Variants in NRXN3 observed in about 807,000 individuals in gnomAD.
NRXN3 encodes the protein neurexin III.
A neutral mutation model predicts 137.6 loss-of-function variants in NRXN3; 32 were observed. The ratio of observed to expected loss-of-function variants is 0.23; its 90% CI spans 0.18 to 0.31. The LOEUF is 0.31. Among genes scored for constraint, NRXN3 ranks in the 10% least tolerant of loss-of-function variants. The pLI is 1.00. For synonymous variants in NRXN3, 798 were observed against 784.5 expected, an observed-to-expected ratio of 1.02 and a Z score of -0.29; for missense variants, 1,574 against 2,062.5, an observed-to-expected ratio of 0.76 and a Z score of 4.59.
intron 19 of NRXN3, among the ~76,000 whole-genome samples, chr14:79,717,880 C>G (rs1406891470): frequency 6.6e-6 from 1 of 152,182 alleles, no homozygotes; most frequent in Non-Finnish European, 1.5e-5. Context: ...GCACCCTAGT[C>G]TCTCAGCGCA....
At chr14:78,521,987 G>A (rs1403187083) in intron 4 of NRXN3, among the ~76,000 whole-genome samples, 2 of 152,082 alleles carry the variant, frequency 1.3e-5, no homozygotes, top group African/African-American at 2.4e-5. Flanking sequence ...AGATGAAGAT[G>A]AATGATTTAG....
At chr14:78,383,345 G>A (rs2089452354) in intron 4 of NRXN3, among the ~76,000 whole-genome samples, 1 of 152,160 alleles carries the variant, frequency 6.6e-6, no homozygotes, top group African/African-American at 2.4e-5. Context: ...TAGCTGTTGG[G>A]GCGAGATGGG....
rs1476276061 is a variant in NRXN3 at position 79,541,485 on chromosome 14, C to A, written c.3444+74083C>A. On this transcript the variant is annotated intron_variant, in intron 16 of 20. Coordinates refer to ENST00000335750, the MANE Select transcript of NRXN3 (RefSeq NM_001330195.2). ...CTCATCTAGACAGCCTTTACTAATT[C>A]CATCTTGCAAAGACTCTTTTTTCAA... Among the ~76,000 whole-genome samples, 3 of 152,096 alleles carry A rather than the reference C, an allele frequency of 2.0e-5. No homozygotes were observed. In the East Asian group the frequency reaches 5.8e-4, roughly 29 times the overall value.
intron 4 of NRXN3, among the ~76,000 whole-genome samples, chr14:78,377,685 G>T (rs1405708248): frequency 6.6e-6 from 1 of 152,208 alleles, no homozygotes; most frequent in African/African-American, 2.4e-5. Context: ...TCTTTGGCTT[G>T]CTTTCTCAAT....
At chr14:78,375,167 A>G (rs987062410) in intron 4 of NRXN3, among the ~76,000 whole-genome samples, 2 of 152,196 alleles carry the variant, frequency 1.3e-5, no homozygotes, top group Non-Finnish European at 2.9e-5. Context: ...GCCTCTACTT[A>G]GCTTAACCAC....
chr14:78,667,788 C>A (rs1360407888), intron 6 of NRXN3, among the ~76,000 whole-genome samples: 3 of 150,126 alleles, frequency 2.0e-5, no homozygotes, highest in African/African-American at 7.3e-5. Context: ...GATAGATTAT[C>A]TTTTTTTTTT....
At chr14:79,812,315 A>G (rs1464423049) in intron 20 of NRXN3, among the ~76,000 whole-genome samples, 1 of 152,188 alleles carries the variant, frequency 6.6e-6, no homozygotes, top group African/African-American at 2.4e-5. Flanking sequence ...AGGTGCTGGG[A>G]AAACAAAAGT....
At position 78,178,448 on chromosome 14, in the gene NRXN3, C is replaced by A. The variant is rs571801411; in HGVS notation, c.-704+7774C>A. Among the ~76,000 whole-genome samples, 2 of 152,326 alleles carry A rather than the reference C, an allele frequency of 1.3e-5. 1 individual carries two copies. The highest frequency in any genetic ancestry group is 3.9e-4 in the East Asian group (2 of 5,186). On this transcript the variant is annotated intron_variant, in intron 1 of 20. Coordinates refer to ENST00000335750, the MANE Select transcript of NRXN3 (RefSeq NM_001330195.2). The stretch of plus-strand genomic sequence containing the variant: ...TCTGTTTCCCAAGGTGTCCCCGTTA[C>A]CTTCTTCCTTGCTTCATGCACCTTG...
At chr14:79,796,665 G>T (rs531272015) in intron 19 of NRXN3, among the ~76,000 whole-genome samples, 1 of 152,252 alleles carries the variant, frequency 6.6e-6, no homozygotes, top group East Asian at 1.9e-4. Flanking sequence ...ATTAAATCTT[G>T]AGTCTGCAAA....
At chr14:79,620,105 G>A (rs1292839377) in intron 16 of NRXN3, among the ~76,000 whole-genome samples, 2 of 152,068 alleles carry the variant, frequency 1.3e-5, no homozygotes, top group Non-Finnish European at 2.9e-5. Context: ...AGAATAAATA[G>A]AAGGGGATAA....
chr14:79,541,318 G>A (rs556082271), intron 16 of NRXN3, among the ~76,000 whole-genome samples: 3 of 152,086 alleles, frequency 2.0e-5, no homozygotes, highest in East Asian at 1.9e-4. Context: ...CAAAAGAATC[G>A]CTTGAAACCC....
chr14:79,463,732 A>C (rs576598635), intron 15 of NRXN3, among the ~76,000 whole-genome samples: 1 of 152,252 alleles, frequency 6.6e-6, no homozygotes, highest in South Asian at 2.1e-4. Context: ...CTGAATATAA[A>C]CATAAGTAGT....
chr14:78,859,884 C>G (rs1170761763), intron 10 of NRXN3, among the ~76,000 whole-genome samples: 1 of 152,038 alleles, frequency 6.6e-6, no homozygotes, highest in Non-Finnish European at 1.5e-5. Flanking sequence ...CACTTTTATC[C>G]TCTCCCCTCC....
At chr14:79,211,069 G>C (rs2067586108) in intron 15 of NRXN3, among the ~76,000 whole-genome samples, 1 of 152,058 alleles carries the variant, frequency 6.6e-6, no homozygotes. Context: ...CTTTGGACAA[G>C]TATGTTAATT....
At chr14:79,073,975 AG>A (rs2099691812) in intron 15 of NRXN3, among the ~76,000 whole-genome samples, 1 of 152,228 alleles carries the variant, frequency 6.6e-6, no homozygotes, top group Non-Finnish European at 1.5e-5. Flanking sequence ...CACGTAGAAA[AG>A]TACCTGCCAT....
chr14:79,244,806 T>TA, intron 15 of NRXN3, among the ~76,000 whole-genome samples: 1 of 152,168 alleles, frequency 6.6e-6, no homozygotes, highest in Non-Finnish European at 1.5e-5. Context: ...CATTACTGAA[T>TA]AGGCAATGAT....
chr14:78,726,959 T>TAAAAAAA lies in NRXN3; in HGVS notation c.2044+11833_2044+11839dup, dbSNP rs55802240. Among the ~76,000 whole-genome samples, 50 of 120,958 alleles carry TAAAAAAA rather than the reference T, an allele frequency of 4.1e-4. 3 individuals are homozygous for TAAAAAAA. Among genetic ancestry groups the TAAAAAAA allele is most frequent in the East Asian group, 1.3e-3 (5 of 3,750 alleles). 79.4% of individuals were successfully genotyped at this position (120,958 alleles called of 152,430 possible). ...TGGGAGCTATACAGGATTTATTCAC[T>TAAAAAAA]AAAAAAAAAAAAAAAAAAACCTTCA... is the stretch of plus-strand genomic sequence containing the variant. On this transcript the variant is annotated intron_variant, in intron 8 of 20. Transcript: ENST00000335750.
intron 10 of NRXN3, among the ~76,000 whole-genome samples, chr14:78,839,015 G>A (rs996942242): frequency 6.6e-6 from 1 of 152,140 alleles, no homozygotes; most frequent in East Asian, 1.9e-4. Context: ...CTGGAGATCC[G>A]TTGGTGAGTG....
rs545740548 is a variant in NRXN3, at chr14:79,866,599, A to G, written c.*4635A>G. ...AGATATGAGTAGGAAGGTTTTTGAA[A>G]TCATGTCAATGAATGGGAAGAGAGA... On this transcript the variant is annotated 3_prime_UTR_variant, in exon 21 of 21. Transcript: ENST00000335750. The G allele has an allele frequency of 3.5e-4, 53 of 152,330 alleles. No individual in the cohort carries two copies. The highest frequency in any genetic ancestry group is 1.2e-3 in the African/African-American group (49 of 41,576). 9.4% of individuals were successfully genotyped at this position (152,330 alleles called of 1,614,324 possible). A position where few individuals can be genotyped will look rare whatever the true frequency, so the allele number is the denominator to read the frequency against.
Sources: allele counts gnomAD v4.1 joint callset (sites outside exome capture counted in the v4.1 genomes callset), GRCh38; gene constraint gnomAD v4.1.1; transcripts MANE v1.5; gene names NCBI Gene and HGNC (gene_info 2026-07-23, HGNC 2026-07-21).